WWOX: variants seen among roughly 807,000 people sequenced by gnomAD.
WWOX encodes WW domain-containing oxidoreductase.
In WWOX, 69 loss-of-function variants were observed where a neutral mutation model predicts 46.2. That is an observed-to-expected ratio of 1.49 (90% confidence interval 1.23 to 1.82). WWOX has a LOEUF of 1.82. WWOX is among the 40% of genes most tolerant of loss of function. WWOX has a pLI of 0.00. For synonymous variants in WWOX, 359 were observed against 202.6 expected (o/e 1.77, Z -6.56); for missense variants, 919 against 542.6 (o/e 1.69, Z -6.89).
At chr16:78,608,516 C>G (rs2550649) in intron 8 of WWOX, among the ~76,000 whole-genome samples, 69,556 of 152,028 alleles carry the variant, frequency 0.46, 19,085 homozygotes, top group Admixed American at 0.6. Flanking sequence ...GGAGTTCTCC[C>G]TGCTGTTGGG....
At chr16:79,048,847 G>A (rs984676755) in intron 8 of WWOX, among the ~76,000 whole-genome samples, 5 of 152,000 alleles carry the variant, frequency 3.3e-5, no homozygotes, top group Admixed American at 6.6e-5. Context: ...CTGATGTTCC[G>A]GGCTCAGCTG....
At chr16:78,795,444 A>G (rs180756236) in intron 8 of WWOX, among the ~76,000 whole-genome samples, 2 of 152,192 alleles carry the variant, frequency 1.3e-5, no homozygotes, top group East Asian at 1.9e-4. Flanking sequence ...ATGGACTACA[A>G]CTAGTACTTG....
At chr16:78,544,389 CCTTATTAAGTAGACATTATCTTCAT>C (rs1308941159) in intron 8 of WWOX, among the ~76,000 whole-genome samples, 1 of 152,022 alleles carries the variant, frequency 6.6e-6, no homozygotes, top group African/African-American at 2.4e-5. Context: ...TTCCCTACAA[CCTTATTAAGTAGACATTATCTTCAT>C]CTTATTAAGT....
At chr16:79,102,897 C>G (rs1245957259) in intron 8 of WWOX, among the ~76,000 whole-genome samples, 26 of 152,096 alleles carry the variant, frequency 1.7e-4, no homozygotes, top group Non-Finnish European at 4.4e-5. Context: ...CACGCACATG[C>G]AACCCTGGCT....
chr16:78,724,539 A>T (rs1283451020), intron 8 of WWOX, among the ~76,000 whole-genome samples: 1 of 152,200 alleles, frequency 6.6e-6, no homozygotes, highest in Non-Finnish European at 1.5e-5. Flanking sequence ...ATTACAGTCC[A>T]TTATTTACAG....
chr16:78,772,915 C>T (rs781066044), intron 8 of WWOX, among the ~76,000 whole-genome samples: 13 of 152,106 alleles, frequency 8.5e-5, no homozygotes, highest in Admixed American at 4.6e-4. Context: ...GTCCCAATTA[C>T]TCAGGAGGTG....
At chr16:78,139,110 A>G (rs1306756632) in intron 4 of WWOX, among the ~76,000 whole-genome samples, 1 of 152,172 alleles carries the variant, frequency 6.6e-6, no homozygotes, top group East Asian at 1.9e-4. Flanking sequence ...TCATTGGGTC[A>G]TGTCCTAGGA....
At chr16:78,342,261 C>T (rs1209278408) in intron 5 of WWOX, among the ~76,000 whole-genome samples, 1 of 121,296 alleles carries the variant, frequency 8.2e-6, no homozygotes, top group African/African-American at 2.8e-5. Context: ...CTTGCAACGT[C>T]TCATTATCTT....
At chr16:78,470,361 T>G (rs951474671) in intron 8 of WWOX, among the ~76,000 whole-genome samples, 3 of 152,224 alleles carry the variant, frequency 2.0e-5, no homozygotes, top group Admixed American at 6.5e-5. Context: ...ATTGTTTGTT[T>G]AAAATCACTT....
chr16:78,857,538 T>C (rs1234019278), intron 8 of WWOX, among the ~76,000 whole-genome samples: 1 of 152,174 alleles, frequency 6.6e-6, no homozygotes, highest in Non-Finnish European at 1.5e-5. Flanking sequence ...TTCTGAGAAA[T>C]CAGTCACCCA....
chr16:78,423,217 C>G (rs1033897230), intron 6 of WWOX, among the ~76,000 whole-genome samples: 3 of 152,086 alleles, frequency 2.0e-5, no homozygotes, highest in Admixed American at 6.6e-5. Context: ...ACCTTTCTAT[C>G]TCTTTCTTTC....
intron 8 of WWOX, chr16:78,691,248 G>T (rs574735371): frequency 1.4e-6 from 1 of 702,128 alleles, no homozygotes; most frequent in Non-Finnish European, 2.6e-6. Context: ...CCAGGTTTCA[G>T]ACTGCCTGGT....
intron 8 of WWOX, among the ~76,000 whole-genome samples, chr16:79,125,744 T>A (rs1157931881): frequency 6.6e-6 from 1 of 152,242 alleles, no homozygotes; most frequent in Non-Finnish European, 1.5e-5. Context: ...TTTGGGGCAG[T>A]GCCAGGATTT....
At chr16:78,191,974 A>G (rs770747402) in intron 5 of WWOX, among the ~76,000 whole-genome samples, 4 of 152,206 alleles carry the variant, frequency 2.6e-5, no homozygotes, top group Non-Finnish European at 5.9e-5. Context: ...ACCTGGAATT[A>G]TATAAAGAAT....
At chr16:78,261,207 G>A (rs1397113799) in intron 5 of WWOX, among the ~76,000 whole-genome samples, 1 of 150,672 alleles carries the variant, frequency 6.6e-6, no homozygotes, top group Non-Finnish European at 1.5e-5. Flanking sequence ...CATGCTTTAT[G>A]TGTGTTCATT....
intron 8 of WWOX, among the ~76,000 whole-genome samples, chr16:78,918,645 A>G (rs78310291): frequency 2.4e-3 from 370 of 152,280 alleles, no homozygotes; most frequent in African/African-American, 8.5e-3. Context: ...AATGATAATA[A>G]CAGTTAATGT....
chr16:78,714,376 A>C (rs1597481272), intron 8 of WWOX, among the ~76,000 whole-genome samples: 1 of 152,084 alleles, frequency 6.6e-6, no homozygotes, highest in East Asian at 1.9e-4. Context: ...TGCCCTTTAT[A>C]AAACCATCAG....
In WWOX at chr16:78,731,529, A is replaced by G. The variant is rs11861443; in HGVS notation, c.1056+298777A>G. 3.6e-3 allele frequency among the ~76,000 whole-genome samples: 542 copies of G among 151,882 alleles called. 3 individuals carry two copies. The highest frequency in any genetic ancestry group is 0.012 in the African/African-American group (516 of 41,462). ...CCTTTGTTAATTCCTTTTTCCTTTC[A>G]TTCCTTCTTATCTATCCCTTTCTTA... On this transcript the variant is annotated intron_variant, in intron 8 of 8. Transcript: ENST00000566780.
intron 4 of WWOX, among the ~76,000 whole-genome samples, chr16:78,157,397 G>T (rs936946047): frequency 2.0e-5 from 3 of 152,270 alleles, no homozygotes; most frequent in African/African-American, 7.2e-5. Context: ...TTGCTCACTG[G>T]TGATAAGGGG....
Sources: allele counts gnomAD v4.1 joint callset (sites outside exome capture counted in the v4.1 genomes callset), GRCh38; gene constraint gnomAD v4.1.1; transcripts MANE v1.5; gene names NCBI Gene and HGNC (gene_info 2026-07-23, HGNC 2026-07-21).